Variants in KCTD8 observed in about 807,000 individuals in gnomAD.
The protein encoded by KCTD8 is potassium channel tetramerization domain containing 8, also known as BTB/POZ domain-containing protein KCTD8.
KCTD8 carries 27 observed loss-of-function variants against 31.5 expected under a neutral mutation model. That is an observed-to-expected ratio of 0.86 (90% confidence interval 0.63 to 1.18). The LOEUF (loss-of-function observed/expected upper bound fraction) is 1.18. Among genes scored for constraint, KCTD8 ranks in the 50% most tolerant of loss-of-function variants. The probability of loss-of-function intolerance (pLI) is 0.00; values close to 1 mark genes in which losing one functional copy is unlikely to be tolerated. For missense variants in KCTD8, 658 were observed against 647.7 expected, an observed-to-expected ratio of 1.02 and a Z score of -0.17; for synonymous variants, 290 against 280.0, an observed-to-expected ratio of 1.04 and a Z score of -0.36.
At chr4:44,250,212 G>T (rs1432813047) in intron 1 of KCTD8, among the ~76,000 whole-genome samples, 1 of 151,628 alleles carries the variant, frequency 6.6e-6, no homozygotes, top group Non-Finnish European at 1.5e-5. Flanking sequence ...TTTTACTGTT[G>T]CCAAATTGCT....
At chr4:44,243,845 C>T (rs527843784) in intron 1 of KCTD8, among the ~76,000 whole-genome samples, 57 of 152,146 alleles carry the variant, frequency 3.7e-4, no homozygotes, top group African/African-American at 1.4e-3. Flanking sequence ...CATTACTTTG[C>T]TTCATCCTTC....
intron 1 of KCTD8, among the ~76,000 whole-genome samples, chr4:44,425,501 C>T (rs1346204118): frequency 2.6e-5 from 4 of 151,948 alleles, no homozygotes; most frequent in Admixed American, 6.6e-5. Context: ...AATAAAAGTG[C>T]GAGTTCCAAG....
chr4:44,302,733 T>C (rs1273621297), intron 1 of KCTD8, among the ~76,000 whole-genome samples: 2 of 151,942 alleles, frequency 1.3e-5, no homozygotes, highest in Non-Finnish European at 2.9e-5. Flanking sequence ...CTAATTGCCC[T>C]GGCCAGAACT....
chr4:44,259,614 G>T (rs550866031), intron 1 of KCTD8, among the ~76,000 whole-genome samples: 1 of 152,012 alleles, frequency 6.6e-6, no homozygotes, highest in Non-Finnish European at 1.5e-5. Flanking sequence ...CTTATAGTCT[G>T]TATAGTAAAG....
chr4:44,265,098 T>C (rs1716303304), intron 1 of KCTD8, among the ~76,000 whole-genome samples: 1 of 152,084 alleles, frequency 6.6e-6, no homozygotes, highest in African/African-American at 2.4e-5. Context: ...CTCAAGTGGG[T>C]CCCTGACTCC....
intron 1 of KCTD8, among the ~76,000 whole-genome samples, chr4:44,195,475 G>A (rs1713911260): frequency 6.6e-6 from 1 of 152,082 alleles, no homozygotes; most frequent in African/African-American, 2.4e-5. Context: ...AAGGTTAAGA[G>A]GAAAGATCAT....
At chr4:44,281,854 T>A (rs916536538) in intron 1 of KCTD8, among the ~76,000 whole-genome samples, 7 of 152,118 alleles carry the variant, frequency 4.6e-5, no homozygotes, top group African/African-American at 1.4e-4. Flanking sequence ...GAGGCTTGTA[T>A]TCCCTATCCA....
chr4:44,256,190 G>T (rs182499960), intron 1 of KCTD8, among the ~76,000 whole-genome samples: 1 of 151,862 alleles, frequency 6.6e-6, no homozygotes, highest in South Asian at 2.1e-4. Flanking sequence ...CTCCCACGAC[G>T]TGAGAATTAT....
chr4:44,446,559 A>T (rs555039018), intron 1 of KCTD8, among the ~76,000 whole-genome samples: 254 of 151,300 alleles, frequency 1.7e-3, no homozygotes, highest in Non-Finnish European at 2.9e-3. Flanking sequence ...CCCAATCCCC[A>T]GGTTCAGATT....
intron 1 of KCTD8, among the ~76,000 whole-genome samples, chr4:44,430,143 C>T (rs1721439081): frequency 6.6e-6 from 1 of 151,732 alleles, no homozygotes; most frequent in African/African-American, 2.4e-5. Context: ...CTATTGAAAG[C>T]TGTCTTCATG....
intron 1 of KCTD8, among the ~76,000 whole-genome samples, chr4:44,250,311 A>AT (rs1281816146): frequency 1.3e-5 from 2 of 151,536 alleles, no homozygotes; most frequent in African/African-American, 2.4e-5. Context: ...TGAGTTAGTG[A>AT]TTTTTTCCAA....
At position 44,261,411 on chromosome 4, in the gene KCTD8, G is replaced by T. The variant is rs1347698781; in HGVS notation, c.962-86161C>A. 2.0e-5 allele frequency among the ~76,000 whole-genome samples: 3 copies of T among 152,048 alleles called. No homozygotes were observed. In the East Asian group the frequency reaches 5.8e-4, roughly 29 times the overall value. On this transcript the variant is annotated intron_variant, in intron 1 of 1. Coordinates refer to ENST00000360029, the MANE Select transcript of KCTD8 (RefSeq NM_198353.3). ...TATGTTATATAACCTCATGGGGATA[G>T]ATTTGGTCACCTAGGAAGTTAGTGT... is the stretch of plus-strand genomic sequence containing the variant.
chr4:44,268,161 C>A (rs915635329), intron 1 of KCTD8, among the ~76,000 whole-genome samples: 5 of 152,056 alleles, frequency 3.3e-5, no homozygotes, highest in African/African-American at 1.2e-4. Context: ...ACTGGCAAAC[C>A]GAATCCAGCA....
At chr4:44,219,485 A>G (rs1560398034) in intron 1 of KCTD8, among the ~76,000 whole-genome samples, 1 of 152,218 alleles carries the variant, frequency 6.6e-6, no homozygotes, top group Non-Finnish European at 1.5e-5. Flanking sequence ...GGGGCCCACA[A>G]ACATAGACAC....
At chr4:44,296,142 T>C (rs898260734) in intron 1 of KCTD8, among the ~76,000 whole-genome samples, 32 of 151,976 alleles carry the variant, frequency 2.1e-4, no homozygotes, top group African/African-American at 7.5e-4. Context: ...ACAGAGATCA[T>C]GAATGTATTT....
intron 1 of KCTD8, among the ~76,000 whole-genome samples, chr4:44,378,976 T>C (rs1719991373): frequency 1.3e-5 from 2 of 152,254 alleles, no homozygotes; most frequent in East Asian, 3.9e-4. Context: ...CCTTAGCTCA[T>C]GACCCCATCT....
At chr4:44,348,331 C>T (rs931974238) in intron 1 of KCTD8, among the ~76,000 whole-genome samples, 27 of 152,064 alleles carry the variant, frequency 1.8e-4, no homozygotes, top group South Asian at 8.3e-4. Context: ...AATGTAACAT[C>T]GATCTGAAAG....
At chr4:44,194,104 G>A (rs1713856757) in intron 1 of KCTD8, among the ~76,000 whole-genome samples, 1 of 152,052 alleles carries the variant, frequency 6.6e-6, no homozygotes, top group African/African-American at 2.4e-5. Flanking sequence ...ATTTGTATGA[G>A]AAGATACATT....
chr4:44,284,528 A>T (rs1716999323), intron 1 of KCTD8, among the ~76,000 whole-genome samples: 1 of 152,200 alleles, frequency 6.6e-6, no homozygotes, highest in South Asian at 2.1e-4. Context: ...CCTAGAAGAA[A>T]ACCTGGGCAA....
Sources: allele counts gnomAD v4.1 joint callset (sites outside exome capture counted in the v4.1 genomes callset), GRCh38; gene constraint gnomAD v4.1.1; transcripts MANE v1.5; gene names NCBI Gene and HGNC (gene_info 2026-07-23, HGNC 2026-07-21).